Variants in MYH6 observed in about 807,000 individuals in gnomAD.
MYH6 encodes myosin heavy chain 6.
A neutral mutation model predicts 223.2 loss-of-function variants in MYH6; 126 were observed. The observed-to-expected ratio is 0.56, with a 90% CI of 0.49 to 0.65. The LOEUF (loss-of-function observed/expected upper bound fraction) is 0.65. Ranked by LOEUF, MYH6 falls within the 30% of genes least tolerant of loss-of-function variation. The probability of loss-of-function intolerance (pLI) is 0.00; values close to 1 mark genes in which losing one functional copy is unlikely to be tolerated. For synonymous variants in MYH6, 978 were observed against 1,010.2 expected, an observed-to-expected ratio of 0.97 and a Z score of 0.61; for missense variants, 2,040 against 2,536.4, an observed-to-expected ratio of 0.80 and a Z score of 4.20.
chr14:23,393,539 C>T, intron 22 of MYH6, 21 bp from the exon 23 acceptor site: 1 of 1,613,990 alleles, frequency 6.2e-7, no homozygotes. Context: ...AAAACCCATC[C>T]CCTTTAGGGT....
rs1397545852 is a variant in MYH6 at position 23,407,919 on chromosome 14, G to A, written c.-46-311C>T. Among the ~76,000 whole-genome samples the A allele has an allele frequency of 6.6e-6, 1 of 152,186 alleles. No individual in the cohort carries two copies. ...ACAAAGAAGCATGATTGTGACAAGT[G>A]TCGATGAAGACCAAGAGGCAAGATA... On this transcript the variant is annotated intron_variant, in intron 1 of 38. Coordinates refer to ENST00000405093, the MANE Select transcript of MYH6 (RefSeq NM_002471.4). The surrounding 1 kb of genome is among the most constrained non-coding windows in gnomAD (Gnocchi z 5.6).
chr14:23,401,804 C>T (rs1326731104), intron 12 of MYH6, among the ~76,000 whole-genome samples: 1 of 152,236 alleles, frequency 6.6e-6, no homozygotes, highest in Non-Finnish European at 1.5e-5. Flanking sequence ...TGCCACCCAA[C>T]ATGGGTATTT....
chr14:23,397,749 G>A (rs1173753972), intron 15 of MYH6, 136 bp from the exon 16 acceptor site: 5 of 925,024 alleles, frequency 5.4e-6, no homozygotes, highest in African/African-American at 4.9e-5. Context: ...TTTACCATGA[G>A]GATGACAGTA....
intron 12 of MYH6, among the ~76,000 whole-genome samples, chr14:23,401,815 C>T (rs927163028): frequency 6.6e-6 from 1 of 152,218 alleles, no homozygotes; most frequent in African/African-American, 2.4e-5. Context: ...ATGGGTATTT[C>T]TCTGTTTAGA....
Position 23,382,456 on chromosome 14 carries a change from C to T in MYH6, c.5768G>A (p.Arg1923Gln), listed in dbSNP as rs757873491. 4 of 1,614,154 alleles carry T rather than the reference C, an allele frequency of 2.5e-6. No individual in the cohort carries two copies. Among genetic ancestry groups the T allele is most frequent in the African/African-American group, 2.7e-5 (2 of 75,038 alleles). The change falls in exon 38 of 39, where the codon CGA becomes CAA. Residue 1923 changes from arginine to glutamine, a missense_variant. Arg to Gln is a conservative substitution (Grantham distance 43). Transcript: ENST00000405093. ...GGCACCAATGTCACGGCTCTTGGCT[C>T]GAAGCTTGTTGACCTGGGACTCAGC... ...DIAESQVNKLRAKSRDIGAKQ... is the reference protein window; with the variant it reads ...DIAESQVNKLQAKSRDIGAKQ...
At chr14:23,404,529 T>C (rs1202222803) in intron 7 of MYH6, 141 bp from the exon 8 acceptor site, 2 of 1,153,154 alleles carry the variant, frequency 1.7e-6, no homozygotes, top group African/African-American at 3.0e-5. Flanking sequence ...CTCCACAGGA[T>C]CCTACCCAGA....
In MYH6 at chr14:23,385,917, G is replaced by A. The variant is rs1243770974; in HGVS notation, c.5163+11C>T. On this transcript the variant is annotated intron_variant, in intron 34 of 38. Coordinates refer to ENST00000405093, the MANE Select transcript of MYH6 (RefSeq NM_002471.4). ...AGTAGGTTTCCACAAGGTGGCTCCTGACCCCCTCACCTGGGAATGCAGCAG... is the reference window on the plus strand; with the variant it reads ...AGTAGGTTTCCACAAGGTGGCTCCTAACCCCCTCACCTGGGAATGCAGCAG... 1 of 1,614,124 alleles carries A rather than the reference G, an allele frequency of 6.2e-7. No individual in the cohort carries two copies. The highest frequency in any genetic ancestry group is 1.3e-5 in the African/African-American group (1 of 75,032).
At chr14:23,401,702 C>T (rs1009448019) in intron 12 of MYH6, among the ~76,000 whole-genome samples, 1 of 152,232 alleles carries the variant, frequency 6.6e-6, no homozygotes, top group Non-Finnish European at 1.5e-5. Flanking sequence ...CCTGGACTGG[C>T]CATGCTGTCT....
Position 23,404,162 on chromosome 14 carries a change from T to G in MYH6, c.735+134A>C, listed in dbSNP as rs1891700843. ...AGACCTTTGGCTCCAAAGCCTATGCTCTCTTCCCACCAACGTGTGCATGTT... is the reference window on the plus strand; with the variant it reads ...AGACCTTTGGCTCCAAAGCCTATGCGCTCTTCCCACCAACGTGTGCATGTT... On this transcript the variant is annotated intron_variant, in intron 8 of 38. Coordinates refer to ENST00000405093, the MANE Select transcript of MYH6 (RefSeq NM_002471.4). The G allele has an allele frequency of 1.8e-5, 20 of 1,137,766 alleles. No homozygotes were observed. In the South Asian group the frequency reaches 2.4e-4, roughly 13 times the overall value. The allele number at this position is 1,137,766 out of a possible 1,614,324, so 70.5% of individuals were successfully genotyped here. A position where few individuals can be genotyped will look rare whatever the true frequency, so the allele number is the denominator to read the frequency against.
chr14:23,392,762 C>T (rs1049280175), intron 24 of MYH6, 110 bp from the exon 25 acceptor site: 1 of 1,468,330 alleles, frequency 6.8e-7, no homozygotes, highest in African/African-American at 1.4e-5. Flanking sequence ...CCTCCCCTCG[C>T]CAGCCCAGAA....
At position 23,388,898 on chromosome 14, in the gene MYH6, G is replaced by T. The variant is rs145611185; in HGVS notation, c.4136C>A (p.Thr1379Lys). 1.9e-6 allele frequency: 3 copies of T among 1,613,788 alleles called. No individual in the cohort carries two copies. Among genetic ancestry groups the T allele is most frequent in the Non-Finnish European group, 2.5e-6 (3 of 1,180,046 alleles). The change falls in exon 29 of 39, where the codon ACG becomes AAG. Residue 1379 changes from threonine (T) to lysine (K), a missense_variant. By Grantham distance (78) the Thr-to-Lys change is moderately conservative. This residue lies in a region of MYH6 where 1,203 missense variants were observed against 1,400.2 expected (regional missense o/e 0.86). Transcript: ENST00000405093. ...CTCCTCAGTCCGCTGAATGGCGTCCGTCTCATACTTGGTCCTCCACTGGGC... is the reference window on the plus strand; with the variant it reads ...CTCCTCAGTCCGCTGAATGGCGTCCTTCTCATACTTGGTCCTCCACTGGGC... ...EVAQWRTKYE[T>K]DAIQRTEELE...
At chr14:23,385,146 A>G (rs1212786780) in intron 34 of MYH6, 105 bp from the exon 35 acceptor site, 32 of 1,393,412 alleles carry the variant, frequency 2.3e-5, no homozygotes, top group Non-Finnish European at 2.9e-5. Flanking sequence ...TTTTTTTAAA[A>G]CAACAAGCCC....
chr14:23,408,225 G>A (rs1891846905), intron 1 of MYH6, 28 bp downstream of exon 1: 2 of 985,334 alleles, frequency 2.0e-6, no homozygotes, highest in South Asian at 4.7e-5. Flanking sequence ...ACGGGCTGCA[G>A]GGCATCCCAC....
intron 15 of MYH6, among the ~76,000 whole-genome samples, chr14:23,397,939 TC>T (rs1201639829): frequency 4.1e-5 from 2 of 48,516 alleles, no homozygotes; most frequent in Non-Finnish European, 8.2e-5. Context: ...CTCCTCTTCT[TC>T]TTCTTCTTCT....
chr14:23,397,910 T>TCTCCTCCTCTTCCTC (rs1891446464), intron 15 of MYH6, among the ~76,000 whole-genome samples: 1 of 112,908 alleles, frequency 8.9e-6, no homozygotes, highest in African/African-American at 3.8e-5. Flanking sequence ...ACATTCTAGT[T>TCTCCTCCTCTTCCTC]CTCCTCCTCC....
Position 23,389,072 on chromosome 14 carries a change from G to GGGGGGC in MYH6, c.3979-18_3979-17insGCCCCC. The GGGGGGC allele has an allele frequency of 1.1e-5, 13 of 1,135,060 alleles. No homozygotes were observed. Among genetic ancestry groups the GGGGGGC allele is most frequent in the Non-Finnish European group, 1.6e-5 (12 of 774,052 alleles). 70.3% of individuals were successfully genotyped at this position (1,135,060 alleles called of 1,614,324 possible). On this transcript the variant is annotated splice_polypyrimidine_tract_variant and intron_variant, in intron 28 of 38. Transcript: ENST00000405093. ...GTTCTTCGCCTGGGGAGGGGGGGGG[G>GGGGGGC]CACCAGGAGGTGGGAGGGACTCCCT...
At chr14:23,384,387 TG>T in intron 36 of MYH6, 54 bp downstream of exon 36, 1 of 1,602,498 alleles carries the variant, frequency 6.2e-7, no homozygotes. Context: ...GGCGGGGCAG[TG>T]GGGCCAGAGA....
At chr14:23,382,978 G>C (rs765204886) in intron 37 of MYH6, among the ~76,000 whole-genome samples, 4 of 152,096 alleles carry the variant, frequency 2.6e-5, no homozygotes, top group African/African-American at 9.7e-5. Flanking sequence ...GCTGCCCCAC[G>C]TCCTGCACTA....
intron 1 of MYH6, among the ~76,000 whole-genome samples, 197 bp downstream of exon 1, chr14:23,408,056 A>G (rs1891841389): frequency 1.3e-5 from 2 of 152,194 alleles, no homozygotes; most frequent in Non-Finnish European, 2.9e-5. Flanking sequence ...GAGTCAGAGA[A>G]GGAGAAAAGA....
Sources: gnomAD v4.1 joint callset for allele counts (sites outside exome capture counted in the v4.1 genomes callset) on GRCh38, gnomAD v4.1.1 for gene constraint, gnomAD v4.1.1 regional missense constraint, Gnocchi (gnomAD v3.1) non-coding constraint, MANE v1.5 for transcripts, NCBI Gene and HGNC (gene_info 2026-07-23, HGNC 2026-07-21) for gene names.